Variants in B4GALT5 observed in about 807,000 individuals in gnomAD.
B4GALT5 encodes the protein UDP-Gal:beta-GlcNAc beta-1,4-galactosyltransferase 5.
A neutral mutation model predicts 45.0 loss-of-function variants in B4GALT5; 11 were observed. That is an observed-to-expected ratio of 0.24 (90% CI 0.15 to 0.40). The LOEUF is 0.40. Among genes scored for constraint, B4GALT5 ranks in the 10% least tolerant of loss-of-function variants. The pLI is 1.00. For synonymous variants in B4GALT5, 185 were observed against 182.9 expected (o/e 1.01, Z -0.09); for missense variants, 337 against 500.2 (o/e 0.67, Z 3.11).
chr20:49,690,929 TG>T (rs1240124292), intron 1 of B4GALT5, among the ~76,000 whole-genome samples: 1 of 152,204 alleles, frequency 6.6e-6, no homozygotes, highest in Non-Finnish European at 1.5e-5. Context: ...AATCCTTTCT[TG>T]GCAAGAATGG....
intron 1 of B4GALT5, among the ~76,000 whole-genome samples, chr20:49,704,667 C>A (rs917892935): frequency 1.3e-5 from 2 of 149,150 alleles, no homozygotes; most frequent in East Asian, 2.0e-4. Context: ...TGCAGTGAGC[C>A]GAGATCCCGC....
intron 1 of B4GALT5, among the ~76,000 whole-genome samples, chr20:49,665,491 C>T (rs1323007111): frequency 6.7e-6 from 1 of 148,162 alleles, no homozygotes; most frequent in Non-Finnish European, 1.5e-5. Flanking sequence ...AATGAAGAAA[C>T]ATCAAGTCCT....
At chr20:49,682,434 C>G (rs759330962) in intron 1 of B4GALT5, among the ~76,000 whole-genome samples, 4 of 152,160 alleles carry the variant, frequency 2.6e-5, no homozygotes, top group Non-Finnish European at 5.9e-5. Flanking sequence ...AGTTCTGCAC[C>G]TCACTCACTC....
intron 7 of B4GALT5, among the ~76,000 whole-genome samples, chr20:49,638,344 T>C (rs2085562512): frequency 2.0e-5 from 3 of 152,190 alleles, no homozygotes; most frequent in African/African-American, 7.2e-5. Context: ...ATTAGCAAAA[T>C]AGTCCTTGTA....
intron 3 of B4GALT5, among the ~76,000 whole-genome samples, chr20:49,644,503 G>C (rs1461691603): frequency 1.3e-5 from 2 of 152,184 alleles, no homozygotes; most frequent in African/African-American, 4.8e-5. Flanking sequence ...CAGTGGGTCA[G>C]GACCCTGAGT....
chr20:49,701,723 C>T (rs1250523630), intron 1 of B4GALT5, among the ~76,000 whole-genome samples: 2 of 152,172 alleles, frequency 1.3e-5, no homozygotes, highest in African/African-American at 2.4e-5. Flanking sequence ...ATTGTAACTA[C>T]TTAATACTAA....
chr20:49,660,841 A>T (rs1441169860), intron 1 of B4GALT5, among the ~76,000 whole-genome samples: 10 of 152,208 alleles, frequency 6.6e-5, no homozygotes, highest in Admixed American at 6.5e-4. Flanking sequence ...TTTTAAAAAT[A>T]CTAGCCGAGT....
chr20:49,637,650 T>C (rs540705933), intron 7 of B4GALT5, among the ~76,000 whole-genome samples: 74 of 151,916 alleles, frequency 4.9e-4, no homozygotes, highest in African/African-American at 1.7e-3. Flanking sequence ...ACGGAAAAAA[T>C]AGGCTGGGCT....
At chr20:49,683,361 T>C (rs1568729160) in intron 1 of B4GALT5, among the ~76,000 whole-genome samples, 1 of 151,478 alleles carries the variant, frequency 6.6e-6, no homozygotes, top group African/African-American at 2.4e-5. Flanking sequence ...GTATTAACTC[T>C]GGAGGAGGGC....
chr20:49,667,250 GTGTTGT>G (rs67984513), intron 1 of B4GALT5, among the ~76,000 whole-genome samples: 2 of 144,840 alleles, frequency 1.4e-5, no homozygotes, highest in Non-Finnish European at 1.5e-5. Flanking sequence ...TTTTTGGCTT[GTGTTGT>G]TGTTGTTTTT....
At chr20:49,660,404 A>G (rs987373747) in intron 1 of B4GALT5, among the ~76,000 whole-genome samples, 6 of 152,326 alleles carry the variant, frequency 3.9e-5, no homozygotes, top group South Asian at 2.1e-4. Context: ...CCAAACCAGA[A>G]CATCAAGTGA....
intron 1 of B4GALT5, among the ~76,000 whole-genome samples, chr20:49,665,594 T>C (rs1454063211): frequency 6.6e-6 from 1 of 151,182 alleles, no homozygotes; most frequent in Non-Finnish European, 1.5e-5. Flanking sequence ...CATACATTCA[T>C]TCAACACTCA....
At chr20:49,685,844 T>C (rs2085783009) in intron 1 of B4GALT5, among the ~76,000 whole-genome samples, 1 of 152,192 alleles carries the variant, frequency 6.6e-6, no homozygotes, top group East Asian at 1.9e-4. Context: ...AGTCTTGTTC[T>C]TTAACAGTAA....
intron 1 of B4GALT5, among the ~76,000 whole-genome samples, chr20:49,689,334 T>TATCA (rs1256366739): frequency 3.3e-5 from 5 of 152,234 alleles, no homozygotes; most frequent in Non-Finnish European, 7.3e-5. Context: ...CTCACTCTCT[T>TATCA]ATCAATCTCA....
At chr20:49,685,867 C>T (rs947597978) in intron 1 of B4GALT5, among the ~76,000 whole-genome samples, 1 of 151,648 alleles carries the variant, frequency 6.6e-6, no homozygotes, top group Non-Finnish European at 1.5e-5. Context: ...AAAATGCATC[C>T]CCTGAATTGA....
intron 1 of B4GALT5, among the ~76,000 whole-genome samples, chr20:49,691,783 T>C (rs189167337): frequency 6.6e-6 from 1 of 152,318 alleles, no homozygotes; most frequent in Admixed American, 6.5e-5. Context: ...GGTTTTAGAT[T>C]GTCTTTATTT....
In B4GALT5 at chr20:49,656,570, G is replaced by A; in HGVS notation, c.248C>T (p.Ser83Leu). ...CCACCTCTTTACTAAAAATATACCT[G>A]AGTCATTTACACTGCTGTTCCTCTT... ...YAKRNSSVND[S>L]DYPLDLNHSE... is the part of the protein sequence containing the mutation. The change falls in exon 2 of 9, where the codon TCA (serine) becomes TTA (leucine). Residue 83 changes from serine (S) to leucine (L), a missense_variant and splice_region_variant. Physicochemically the swap from Ser to Leu is moderately radical, Grantham distance 145. Transcript: ENST00000371711. The A allele has an allele frequency of 6.2e-7, 1 of 1,614,016 alleles. No individual in the cohort carries two copies. The highest frequency in any genetic ancestry group is 8.5e-7 in the Non-Finnish European group (1 of 1,179,968).
At chr20:49,664,395 A>T (rs1045543269) in intron 1 of B4GALT5, among the ~76,000 whole-genome samples, 1 of 147,878 alleles carries the variant, frequency 6.8e-6, no homozygotes, top group Non-Finnish European at 1.5e-5. Context: ...TAACATTTAT[A>T]TTTTTTTAGA....
At chr20:49,649,916 G>T (rs1406963489) in intron 2 of B4GALT5, among the ~76,000 whole-genome samples, 1 of 152,170 alleles carries the variant, frequency 6.6e-6, no homozygotes, top group Non-Finnish European at 1.5e-5. Flanking sequence ...AGAAGGCAAT[G>T]AAATTCCCAA....
Sources: gnomAD v4.1 joint callset for allele counts (sites outside exome capture counted in the v4.1 genomes callset) on GRCh38, gnomAD v4.1.1 for gene constraint, MANE v1.5 for transcripts, NCBI Gene and HGNC (gene_info 2026-07-23, HGNC 2026-07-21) for gene names.